PREX1: variants seen among roughly 807,000 people sequenced by gnomAD.
PREX1 encodes the protein phosphatidylinositol-3,4,5-trisphosphate dependent Rac exchange factor 1.
In PREX1, 41 loss-of-function variants were observed where a neutral mutation model predicts 198.3. The ratio of observed to expected loss-of-function variants is 0.21; its 90% confidence interval spans 0.16 to 0.27. PREX1 has a LOEUF of 0.27. PREX1 is among the 10% of genes least tolerant of loss of function. The probability of loss-of-function intolerance (pLI) is 1.00; values close to 1 mark genes in which losing one functional copy is unlikely to be tolerated. For missense variants in PREX1, 1,620 were observed against 2,200.7 expected, an observed-to-expected ratio of 0.74 and a Z score of 5.28; for synonymous variants, 843 against 887.2, an observed-to-expected ratio of 0.95 and a Z score of 0.89.
chr20:48,837,576 A>C, the PREX1 span, among the ~76,000 whole-genome samples: 1 of 152,348 alleles, frequency 6.6e-6, no homozygotes, highest in South Asian at 2.1e-4. Flanking sequence ...GGAACAGAAA[A>C]CCAAATACCT....
In PREX1 at chr20:48,655,343, A is replaced by G; in HGVS notation, c.2156T>C (p.Leu719Pro). The G allele has an allele frequency of 5.0e-6, 8 of 1,598,980 alleles. No individual in the cohort carries two copies. Among genetic ancestry groups the G allele is most frequent in the Non-Finnish European group, 6.8e-6 (8 of 1,171,176 alleles). Residue 719 changes from leucine (L) to proline (P), a missense_variant, in exon 19 of 40, where the codon CTG becomes CCG. By Grantham distance (98) the Leu-to-Pro change is moderately conservative. Around this residue, in one of 7 missense-constraint regions of PREX1, gnomAD observed 514 missense variants for 611.6 expected, o/e 0.84. Transcript: ENST00000371941. ...IIKIPDQPDT[L>P]CFQIRGAAPP... ...GGCAGCTCCACGAATCTGGAAGCAC[A>G]GTGTGTCCGGCTGGTCGGGGATTTT...
At chr20:48,831,052 A>G (rs539491890), upstream of PREX1, among the ~76,000 whole-genome samples, 8 of 152,188 alleles carry the variant, frequency 5.3e-5, no homozygotes, top group Non-Finnish European at 1.0e-4. Context: ...ATCAAGGATC[A>G]TGGCACCTTT....
the PREX1 span, among the ~76,000 whole-genome samples, chr20:48,834,692 T>C: frequency 6.6e-6 from 1 of 152,172 alleles, no homozygotes; most frequent in African/African-American, 2.4e-5. Context: ...CCTAAGTAGC[T>C]GGGACCCCAG....
chr20:48,676,771 G>A (rs1302265845), intron 13 of PREX1, among the ~76,000 whole-genome samples: 2 of 152,210 alleles, frequency 1.3e-5, no homozygotes, highest in African/African-American at 4.8e-5. Context: ...AGAGTGGCAG[G>A]GGAGACCCTC....
chr20:48,644,486 C>T lies in PREX1; in HGVS notation c.3524G>A (p.Ser1175Asn). The T allele has an allele frequency of 6.2e-7, 1 of 1,613,546 alleles. No homozygotes were observed. Among genetic ancestry groups the T allele is most frequent in the Non-Finnish European group, 8.5e-7 (1 of 1,179,676 alleles). ...SYRDSYSECNSNRDSVLSYTS... is the reference protein window; with the variant it reads ...SYRDSYSECNNNRDSVLSYTS... ...GTAGGACAGGACCGAGTCTCGATTG[C>T]TGTTACACTCGCTGCAAAGGGGCCC... The change falls in exon 27 of 40, where the codon AGC becomes AAC. Residue 1175 changes from serine to asparagine, a missense_variant. Physicochemically the swap from Ser to Asn is conservative, Grantham distance 46 (BLOSUM62 1). Coordinates refer to ENST00000371941, the MANE Select transcript of PREX1 (RefSeq NM_020820.4).
chr20:48,827,724 T>G lies in PREX1; in HGVS notation c.137A>C (p.Gln46Pro). The stretch of plus-strand genomic sequence containing the variant: ...GAGGACGCAGAGGCGGAGGCGCAGC[T>G]GGCGCTCGGACTCCCGGGCGGCCGC... Reference protein sequence around the residue: ...PCAAARESERQLRLRLCVLNE... With the variant: ...PCAAARESERPLRLRLCVLNE... Residue 46 changes from glutamine (Q) to proline (P), a missense_variant, in exon 1 of 40, where the codon CAG becomes CCG. Physicochemically the swap from Gln to Pro is moderately conservative, Grantham distance 76 (BLOSUM62 -1). Coordinates refer to ENST00000371941, the MANE Select transcript of PREX1 (RefSeq NM_020820.4). The surrounding 1 kb of genome is among the most constrained non-coding windows in gnomAD (Gnocchi z 4.1). 7.5e-7 allele frequency: 1 copy of G among 1,331,832 alleles called. No individual in the cohort carries two copies. The highest frequency in any genetic ancestry group is 9.7e-7 in the Non-Finnish European group (1 of 1,026,758). The allele number at this position is 1,331,832 out of a possible 1,614,324, so 82.5% of individuals were successfully genotyped here.
intron 10 of PREX1, among the ~76,000 whole-genome samples, chr20:48,683,041 G>A (rs1276941775): frequency 2.0e-5 from 3 of 152,256 alleles, no homozygotes. Context: ...AAATGCATCT[G>A]CTTTGTGGGA....
intron 19 of PREX1, 126 bp downstream of exon 19, chr20:48,655,164 G>A: frequency 9.5e-7 from 1 of 1,048,234 alleles, no homozygotes. Flanking sequence ...ATCAGGCAAA[G>A]AAAATAAGTG....
At chr20:48,868,943 C>G in the PREX1 span, among the ~76,000 whole-genome samples, 1 of 149,032 alleles carries the variant, frequency 6.7e-6, no homozygotes, top group Non-Finnish European at 1.5e-5. Context: ...GTGGCACAAA[C>G]AGAGCTCATT....
At chr20:48,720,241 C>T (rs1293222642) in intron 5 of PREX1, among the ~76,000 whole-genome samples, 2 of 152,222 alleles carry the variant, frequency 1.3e-5, no homozygotes, top group Non-Finnish European at 2.9e-5. Flanking sequence ...CTGGTCCTTA[C>T]TGATCTTCTG....
chr20:48,651,554 G>A lies in PREX1; in HGVS notation c.2497C>T (p.Leu833=), dbSNP rs1037745059. ...AFPLLSLGPR[L]SLCEDSPMVT... is the part of the protein sequence containing the mutation. ...ATGGGGCTGTCCTCACACAGGCTCA[G>A]CCGGGGACCCAGGGACAGCAGTGGG... Residue 833 remains leucine, a synonymous_variant, in exon 22 of 40, where the codon CTG becomes TTG. Coordinates refer to ENST00000371941, the MANE Select transcript of PREX1 (RefSeq NM_020820.4). The A allele has an allele frequency of 1.2e-6, 2 of 1,614,060 alleles. No homozygotes were observed. The highest frequency in any genetic ancestry group is 1.7e-6 in the Non-Finnish European group (2 of 1,179,968).
At chr20:48,734,789 G>GTTT in intron 3 of PREX1, 139 bp from the exon 4 acceptor site, 1 of 654,862 alleles carries the variant, frequency 1.5e-6, no homozygotes, top group Non-Finnish European at 2.7e-6. Flanking sequence ...AGGTATCTCA[G>GTTT]GTAAAGCGGC....
rs1323120354 is a variant in PREX1, at chr20:48,768,716, A to C, written c.220-20836T>G. The stretch of plus-strand genomic sequence containing the variant: ...TTTGAACCCAGGAGACAGAGGTTGC[A>C]GTGAGCTGAGATCATGCCACTGCAC... On this transcript the variant is annotated intron_variant, in intron 1 of 39. Coordinates refer to ENST00000371941, the MANE Select transcript of PREX1 (RefSeq NM_020820.4). Among the ~76,000 whole-genome samples, 3 of 152,212 alleles carry C rather than the reference A, an allele frequency of 2.0e-5. No individual in the cohort carries two copies. The South Asian group carries it at 6.2e-4, about 32-fold the overall frequency.
At chr20:48,746,163 G>T (rs2090106799) in intron 2 of PREX1, among the ~76,000 whole-genome samples, 2 of 152,196 alleles carry the variant, frequency 1.3e-5, no homozygotes, top group South Asian at 4.1e-4. Flanking sequence ...TGGGAATACA[G>T]ATGCATGCCG....
chr20:48,783,653 G>A (rs573313211), intron 1 of PREX1, among the ~76,000 whole-genome samples: 1 of 152,214 alleles, frequency 6.6e-6, no homozygotes, highest in South Asian at 2.1e-4. Context: ...GAGGAAAACC[G>A]AGAGCCCACA....
intron 1 of PREX1, among the ~76,000 whole-genome samples, chr20:48,810,583 A>AT (rs2090429564): frequency 6.9e-6 from 1 of 144,544 alleles, no homozygotes; most frequent in South Asian, 2.2e-4. Context: ...TCTCACCTCA[A>AT]TTAAAAAAAA....
chr20:48,864,374 T>C, the PREX1 span, among the ~76,000 whole-genome samples: 3 of 152,154 alleles, frequency 2.0e-5, no homozygotes, highest in Non-Finnish European at 4.4e-5. Flanking sequence ...AGACAGACAA[T>C]AACCAAGTAA....
chr20:48,728,194 G>A (rs1326066733), intron 4 of PREX1, among the ~76,000 whole-genome samples: 1 of 152,204 alleles, frequency 6.6e-6, no homozygotes, highest in African/African-American at 2.4e-5. Context: ...ACAGTTCCAA[G>A]CACTGGGGGG....
intron 1 of PREX1, among the ~76,000 whole-genome samples, chr20:48,760,538 A>AG (rs1001089088): frequency 2.0e-5 from 3 of 151,998 alleles, no homozygotes; most frequent in African/African-American, 4.8e-5. Flanking sequence ...CCAAACAAAA[A>AG]GGGGGGGAGG....
Sources: gnomAD v4.1 joint callset for allele counts (sites outside exome capture counted in the v4.1 genomes callset) on GRCh38, gnomAD v4.1.1 for gene constraint, gnomAD v4.1.1 regional missense constraint, Gnocchi (gnomAD v3.1) non-coding constraint, MANE v1.5 for transcripts, NCBI Gene and HGNC (gene_info 2026-07-23, HGNC 2026-07-21) for gene names.